LSM12: variants seen among roughly 807,000 people sequenced by gnomAD.
LSM12 encodes LSM12 homolog.
For missense variants in LSM12, 108 were observed against 238.9 expected (o/e 0.45, Z 3.61); for synonymous variants, 74 against 87.3 (o/e 0.85, Z 0.85).
intron 1 of LSM12, among the ~76,000 whole-genome samples, chr17:44,065,503 C>T (rs1457811107): frequency 1.3e-5 from 2 of 150,246 alleles, no homozygotes; most frequent in Admixed American, 6.6e-5. Flanking sequence ...TTCCAATAAA[C>T]CCACCTGTGG....
At chr17:44,066,370 C>A in intron 1 of LSM12, 94 bp downstream of exon 1, 5 of 1,462,646 alleles carry the variant, frequency 3.4e-6, no homozygotes, top group East Asian at 3.0e-5. Context: ...CCCCTAGGCC[C>A]GGAGAGAGCC....
chr17:44,067,191 T>C (rs976876327), upstream of LSM12, among the ~76,000 whole-genome samples: 1 of 152,176 alleles, frequency 6.6e-6, no homozygotes, highest in African/African-American at 2.4e-5. Flanking sequence ...TCCCAGCTAC[T>C]AGGGGGACTG....
At chr17:44,054,735 C>T (rs1168916016) in intron 2 of LSM12, among the ~76,000 whole-genome samples, 1 of 152,162 alleles carries the variant, frequency 6.6e-6, no homozygotes, top group Non-Finnish European at 1.5e-5. Context: ...CCTGTATCTT[C>T]CTGATGCTTC....
At chr17:44,042,550 C>A (rs2049508542) in intron 2 of LSM12, among the ~76,000 whole-genome samples, 1 of 139,232 alleles carries the variant, frequency 7.2e-6, no homozygotes, top group African/African-American at 2.7e-5. Flanking sequence ...CAGGTGCCCG[C>A]CACCACCCCC....
rs190851960 is a variant in LSM12, at chr17:44,045,067, G to A, written c.259-4811C>T. On this transcript the variant is annotated intron_variant, in intron 2 of 4. Coordinates refer to ENST00000293406, the MANE Select transcript of LSM12 (RefSeq NM_001371445.1). The stretch of plus-strand genomic sequence containing the variant: ...TTTTGAGACAAAGTCTTGCTCTGTC[G>A]CCCAGGCTGGAGTGCAGTGGTGCGA... 1.3e-4 allele frequency among the ~76,000 whole-genome samples: 19 copies of A among 151,822 alleles called. No individual in the cohort carries two copies. The East Asian group carries it at 3.1e-3, about 25-fold the overall frequency.
intron 2 of LSM12, 99 bp from the exon 3 acceptor site, chr17:44,040,355 G>A (rs570918070): frequency 2.0e-5 from 16 of 818,646 alleles, no homozygotes; most frequent in East Asian, 5.3e-5. Context: ...GGAAAGACTT[G>A]TTTGGACAGA....
intron 2 of LSM12, among the ~76,000 whole-genome samples, chr17:44,040,774 A>G (rs1257147102): frequency 6.6e-6 from 1 of 151,050 alleles, no homozygotes; most frequent in Non-Finnish European, 1.5e-5. Flanking sequence ...GGAGGTCAAG[A>G]CCAGCCTGGC....
intron 2 of LSM12, among the ~76,000 whole-genome samples, chr17:44,042,999 G>C (rs1342547517): frequency 6.6e-6 from 1 of 152,162 alleles, no homozygotes; most frequent in Non-Finnish European, 1.5e-5. Context: ...CACCACGCCT[G>C]GCTCCAAGCA....
chr17:44,037,531 C>G lies in LSM12; in HGVS notation c.376G>C (p.Asp126His). 6.2e-7 allele frequency: 1 copy of G among 1,608,068 alleles called. No individual in the cohort carries two copies. Among genetic ancestry groups the G allele is most frequent in the Non-Finnish European group, 8.5e-7 (1 of 1,177,428 alleles). ...LFQTIHKTIK[D>H]CKWQEKNIVV... ...ATGTTTTTTTCTTGCCATTTACAGTCTTTAATGCTGGAAGGAGAAGACAGC... is the reference window on the plus strand; with the variant it reads ...ATGTTTTTTTCTTGCCATTTACAGTGTTTAATGCTGGAAGGAGAAGACAGC... The change falls in exon 4 of 5, where the codon GAC becomes CAC. Residue 126 changes from aspartate (D) to histidine (H), a missense_variant. Coordinates refer to ENST00000293406, the MANE Select transcript of LSM12 (RefSeq NM_001371445.1).
Position 44,037,242 on chromosome 17 carries a change from T to TCCCACAGGACTGCAGAAC in LSM12, c.495+152_495+169dup, listed in dbSNP as rs2049427737. On this transcript the variant is annotated intron_variant, in intron 4 of 4. Coordinates refer to ENST00000293406, the MANE Select transcript of LSM12 (RefSeq NM_001371445.1). ...TTTCCACACCACCCAGTGGTTCCAT[T>TCCCACAGGACTGCAGAAC]CCCACAGGACTGCAGAACCCCACAG... is the stretch of plus-strand genomic sequence containing the variant. The TCCCACAGGACTGCAGAAC allele has an allele frequency of 1.9e-5, 13 of 675,690 alleles. No homozygotes were observed. In the East Asian group the frequency reaches 3.3e-4, roughly 17 times the overall value. The allele number at this position is 675,690 out of a possible 1,614,324, so 41.9% of individuals were successfully genotyped here.
intron 2 of LSM12, among the ~76,000 whole-genome samples, chr17:44,044,073 C>G (rs550140551): frequency 6.6e-6 from 1 of 152,172 alleles, no homozygotes; most frequent in South Asian, 2.1e-4. Flanking sequence ...GTCGTTGTCA[C>G]CTACATAGCA....
intron 3 of LSM12, among the ~76,000 whole-genome samples, chr17:44,039,255 ATGT>A (rs1281675124): frequency 6.7e-6 from 1 of 150,324 alleles, no homozygotes; most frequent in Non-Finnish European, 1.5e-5. Context: ...GGGTTTCAAC[ATGT>A]TGGTCAGGCT....
At chr17:44,057,209 G>T (rs879794860) in intron 2 of LSM12, among the ~76,000 whole-genome samples, 2 of 148,220 alleles carry the variant, frequency 1.3e-5, no homozygotes, top group Non-Finnish European at 3.0e-5. Flanking sequence ...GAGTGCAGTG[G>T]CGCGATCTCA....
chr17:44,038,834 G>A lies in LSM12; in HGVS notation c.369-1296C>T, dbSNP rs113382879. On this transcript the variant is annotated intron_variant, in intron 3 of 4. Transcript: ENST00000293406. Reference sequence around the variant, plus strand: ...TGGGAAGCCCCAGGGCAGCTGATGCGACTGGGAGTTCCTTCACATACCTGT... The same window carrying A: ...TGGGAAGCCCCAGGGCAGCTGATGCAACTGGGAGTTCCTTCACATACCTGT... Among the ~76,000 whole-genome samples the A allele has an allele frequency of 2.1e-4, 32 of 152,282 alleles. 1 individual carries two copies. Among genetic ancestry groups the A allele is most frequent in the African/African-American group, 5.1e-4 (21 of 41,552 alleles).
chr17:44,053,410 G>A (rs748206770), intron 2 of LSM12, among the ~76,000 whole-genome samples: 8 of 152,118 alleles, frequency 5.3e-5, no homozygotes, highest in African/African-American at 1.2e-4. Flanking sequence ...ATGCTGTCAC[G>A]TACCTTGGAC....
intron 2 of LSM12, among the ~76,000 whole-genome samples, chr17:44,063,496 G>A (rs1237132665): frequency 1.3e-5 from 2 of 151,632 alleles, no homozygotes; most frequent in Non-Finnish European, 2.9e-5. Flanking sequence ...CATAGGTAAC[G>A]CCACCACCCA....
rs572007339 is a variant in LSM12, at chr17:44,049,452, T to A, written c.259-9196A>T. 5.3e-5 allele frequency among the ~76,000 whole-genome samples: 8 copies of A among 152,176 alleles called. No homozygotes were observed. In the East Asian group the frequency reaches 7.7e-4, roughly 15 times the overall value. Reference sequence around the variant, plus strand: ...GCCACCACACCCAGCTACTTTTTTTTATTTTTGTAGAGATGGGGTCTTGCT... The same window carrying A: ...GCCACCACACCCAGCTACTTTTTTTAATTTTTGTAGAGATGGGGTCTTGCT... On this transcript the variant is annotated intron_variant, in intron 2 of 4. Transcript: ENST00000293406.
At chr17:44,045,208 A>G (rs2049546060) in intron 2 of LSM12, among the ~76,000 whole-genome samples, 1 of 151,840 alleles carries the variant, frequency 6.6e-6, no homozygotes, top group South Asian at 2.1e-4. Flanking sequence ...TTGTATTTTT[A>G]GTAGAGACAG....
intron 2 of LSM12, among the ~76,000 whole-genome samples, chr17:44,044,678 C>A (rs1416249996): frequency 6.6e-6 from 1 of 152,186 alleles, no homozygotes; most frequent in South Asian, 2.1e-4. Flanking sequence ...GGGGAGACCG[C>A]TCTCAATAAA....
Sources: gnomAD v4.1 joint callset for allele counts (sites outside exome capture counted in the v4.1 genomes callset) on GRCh38, gnomAD v4.1.1 for gene constraint, MANE v1.5 for transcripts, NCBI Gene and HGNC (gene_info 2026-07-23, HGNC 2026-07-21) for gene names.